The following NAV3 variants were observed in gnomAD, a reference collection of about 807,000 sequenced individuals.
NAV3 encodes pore membrane and/or filament interacting like protein 1.
NAV3 carries 87 observed loss-of-function variants against 244.7 expected under a neutral mutation model. The observed-to-expected ratio is 0.36, with a 90% CI of 0.30 to 0.42. The LOEUF (loss-of-function observed/expected upper bound fraction) is 0.42. Ranked by LOEUF, NAV3 falls within the 20% of genes least tolerant of loss-of-function variation. The probability of loss-of-function intolerance (pLI) is 1.00; values close to 1 mark genes in which losing one functional copy is unlikely to be tolerated. For missense variants in NAV3, 2,663 were observed against 2,893.3 expected, an observed-to-expected ratio of 0.92 and a Z score of 1.83; for synonymous variants, 1,126 against 1,042.2, an observed-to-expected ratio of 1.08 and a Z score of -1.55.
intron 20 of NAV3, among the ~76,000 whole-genome samples, chr12:78,145,841 G>A (rs1956842915): frequency 6.6e-6 from 1 of 152,118 alleles, no homozygotes; most frequent in Non-Finnish European, 1.5e-5. Flanking sequence ...AGTAAATAAT[G>A]TTAATTATCT....
chr12:78,139,686 C>A (rs190787007), intron 19 of NAV3, among the ~76,000 whole-genome samples: 2 of 151,728 alleles, frequency 1.3e-5, no homozygotes, highest in African/African-American at 4.8e-5. Flanking sequence ...AAAGCCAGTG[C>A]GACATTTCCA....
chr12:78,197,706 C>T (rs1959198102), intron 35 of NAV3, among the ~76,000 whole-genome samples: 2 of 151,810 alleles, frequency 1.3e-5, no homozygotes, highest in Admixed American at 1.3e-4. Context: ...TTAAAGACTC[C>T]ATATGCATTC....
intron 1 of NAV3, among the ~76,000 whole-genome samples, chr12:77,910,532 G>A (rs756275320): frequency 6.6e-5 from 10 of 152,052 alleles, no homozygotes; most frequent in South Asian, 2.1e-4. Context: ...ATAGATTGCT[G>A]AAAAGGTATC....
chr12:77,718,126 G>A (rs1160915324), intron 2 of NAV3, among the ~76,000 whole-genome samples: 6 of 151,962 alleles, frequency 3.9e-5, no homozygotes, highest in East Asian at 1.9e-4. Flanking sequence ...TATGCTTTTT[G>A]TGTCATAATC....
At chr12:77,822,312 ATTTAATCCC>A (rs1471648556) in intron 2 of NAV3, among the ~76,000 whole-genome samples, 1 of 152,154 alleles carries the variant, frequency 6.6e-6, no homozygotes, top group Non-Finnish European at 1.5e-5. Flanking sequence ...CTGTCTTACT[ATTTAATCCC>A]TTGTACTCAT....
At chr12:77,685,473 GCA>G (rs778398842) in intron 2 of NAV3, among the ~76,000 whole-genome samples, 14 of 42,666 alleles carry the variant, frequency 3.3e-4, no homozygotes, top group East Asian at 1.5e-3. Context: ...GCATACACAT[GCA>G]CACACACACA....
chr12:78,041,036 T>A (rs1002566602), intron 9 of NAV3, among the ~76,000 whole-genome samples: 4 of 152,204 alleles, frequency 2.6e-5, no homozygotes, highest in African/African-American at 9.6e-5. Context: ...TCTGAAATAC[T>A]CTATATTATA....
chr12:78,100,219 A>G (rs1157309762), intron 12 of NAV3, among the ~76,000 whole-genome samples: 2 of 151,960 alleles, frequency 1.3e-5, no homozygotes, highest in Non-Finnish European at 2.9e-5. Flanking sequence ...CAAGAAGTTT[A>G]TAGGCTATAG....
intron 8 of NAV3, among the ~76,000 whole-genome samples, chr12:78,008,775 A>G (rs962202125): frequency 6.6e-6 from 1 of 152,174 alleles, no homozygotes. Flanking sequence ...GAATGTTGCT[A>G]TTCTGACTTC....
intron 5 of NAV3, among the ~76,000 whole-genome samples, chr12:77,971,782 G>A (rs948613171): frequency 6.6e-6 from 1 of 152,066 alleles, no homozygotes; most frequent in South Asian, 2.1e-4. Context: ...TATTTGGCCA[G>A]AAAATGTTCT....
intron 18 of NAV3, among the ~76,000 whole-genome samples, chr12:78,133,159 T>G (rs542257776): frequency 2.0e-4 from 31 of 152,230 alleles, no homozygotes; most frequent in Non-Finnish European, 4.1e-4. Context: ...TTCCTGTCCG[T>G]GTCAACATAA....
At chr12:78,118,331 G>GTGCTT in intron 14 of NAV3, 34 bp downstream of exon 14, 1 of 1,563,960 alleles carries the variant, frequency 6.4e-7, no homozygotes, top group Non-Finnish European at 8.7e-7. Flanking sequence ...TTATGCAAAA[G>GTGCTT]TGCTTTACTT....
intron 2 of NAV3, 88 bp downstream of exon 2, chr12:77,940,524 C>A: frequency 1.1e-6 from 1 of 924,102 alleles, no homozygotes; most frequent in Non-Finnish European, 1.7e-6. Flanking sequence ...CCTTACTGAA[C>A]TGGTCCATGT....
intron 2 of NAV3, among the ~76,000 whole-genome samples, chr12:77,727,685 T>G (rs1285304695): frequency 6.6e-6 from 1 of 151,920 alleles, no homozygotes; most frequent in Non-Finnish European, 1.5e-5. Context: ...TCTAAAAATT[T>G]TACACTTATT....
intron 2 of NAV3, among the ~76,000 whole-genome samples, chr12:77,619,976 G>C (rs774429719): frequency 2.0e-5 from 3 of 152,222 alleles, no homozygotes; most frequent in Non-Finnish European, 4.4e-5. Flanking sequence ...ATGAAAGGTA[G>C]ATCATTATGA....
At chr12:77,659,097 A>C (rs1372811024) in intron 2 of NAV3, among the ~76,000 whole-genome samples, 1 of 151,922 alleles carries the variant, frequency 6.6e-6, no homozygotes, top group African/African-American at 2.4e-5. Context: ...ACAAAAGCCA[A>C]AATTGACAAA....
intron 2 of NAV3, among the ~76,000 whole-genome samples, chr12:77,817,418 AGCT>A (rs1216191260): frequency 6.6e-6 from 1 of 152,190 alleles, no homozygotes; most frequent in Non-Finnish European, 1.5e-5. Flanking sequence ...CAAAAGAAAT[AGCT>A]GCTGAGTTTA....
rs139511627 is a variant in NAV3 at position 78,061,634 on chromosome 12, G to A, written c.2636+2519G>A. ...AAATCTTATATTCAGGAAGTGACTC[G>A]GGATGTATATCATTTTAAAATACAT... On this transcript the variant is annotated intron_variant, in intron 12 of 39. Transcript: ENST00000397909. 2.2e-3 allele frequency among the ~76,000 whole-genome samples: 330 copies of A among 152,056 alleles called. 3 individuals are homozygous for A. The highest frequency in any genetic ancestry group is 7.7e-3 in the African/African-American group (321 of 41,524).
At chr12:78,036,047 G>GTGTGTGTTGTGTATGTGAGGGTGTGAA (rs1566043163) in intron 9 of NAV3, among the ~76,000 whole-genome samples, 1 of 152,116 alleles carries the variant, frequency 6.6e-6, no homozygotes, top group East Asian at 1.9e-4. Context: ...GAGGGTGTGA[G>GTGTGTGTTGTGTATGTGAGGGTGTGAA]TGTGTGTCCG....
Sources: gnomAD v4.1 joint callset for allele counts (sites outside exome capture counted in the v4.1 genomes callset) on GRCh38, gnomAD v4.1.1 for gene constraint, MANE v1.5 for transcripts, NCBI Gene and HGNC (gene_info 2026-07-23, HGNC 2026-07-21) for gene names.